SRR: variants seen among roughly 807,000 people sequenced by gnomAD.
SRR encodes the protein serine racemase.
SRR carries 19 observed loss-of-function variants against 32.7 expected under a neutral mutation model. That is an observed-to-expected ratio of 0.58 (90% CI 0.40 to 0.85). SRR has a LOEUF of 0.85. SRR is among the 40% of genes least tolerant of loss of function. The pLI is 0.00. For synonymous variants in SRR, 142 were observed against 140.9 expected (o/e 1.01, Z -0.06); for missense variants, 373 against 404.7 (o/e 0.92, Z 0.67).
At chr17:2,322,933 T>C in intron 6 of SRR, 3 of 547,356 alleles carry the variant, frequency 5.5e-6, no homozygotes, top group Middle Eastern at 5.1e-4. Flanking sequence ...CCTGGCTGAT[T>C]TTCCTATTTT....
At chr17:2,317,431 GA>G (rs1187003142) in intron 2 of SRR, among the ~76,000 whole-genome samples, 1 of 151,818 alleles carries the variant, frequency 6.6e-6, no homozygotes, top group African/African-American at 2.4e-5. Context: ...AGAATGGCGT[GA>G]ACCCGGGAGG....
intron 1 of SRR, among the ~76,000 whole-genome samples, chr17:2,306,313 CA>C (rs901903858): frequency 0.021 from 2,909 of 140,886 alleles, 106 homozygotes; most frequent in African/African-American, 0.071. Flanking sequence ...GAGACTCCGT[CA>C]AAAAAAAAAA....
At chr17:2,305,252 A>G (rs976349611) in intron 1 of SRR, among the ~76,000 whole-genome samples, 1 of 152,228 alleles carries the variant, frequency 6.6e-6, no homozygotes, top group Admixed American at 6.5e-5. Flanking sequence ...AATCTGTTTC[A>G]TATTGAAATT....
At chr17:2,323,447 G>T (rs1597271867) in intron 7 of SRR, 102 bp downstream of exon 7, 1 of 1,379,132 alleles carries the variant, frequency 7.3e-7, no homozygotes, top group Non-Finnish European at 1.0e-6. Flanking sequence ...AACCTGACTA[G>T]GTAACTTCAT....
intron 1 of SRR, among the ~76,000 whole-genome samples, chr17:2,308,193 G>T (rs2075407240): frequency 6.6e-6 from 1 of 152,006 alleles, no homozygotes; most frequent in African/African-American, 2.4e-5. Flanking sequence ...GCACTTCTCA[G>T]AGGAAAAATC....
At chr17:2,305,015 C>G (rs1318371477) in intron 1 of SRR, among the ~76,000 whole-genome samples, 2 of 152,126 alleles carry the variant, frequency 1.3e-5, no homozygotes, top group African/African-American at 4.8e-5. Context: ...GAATAGTTAC[C>G]AATTATTCCT....
chr17:2,313,746 A>AC (rs1379296857), intron 1 of SRR, among the ~76,000 whole-genome samples: 4 of 151,010 alleles, frequency 2.6e-5, no homozygotes, highest in Admixed American at 1.3e-4. Context: ...AAAAACAACA[A>AC]AAAAAAAATG....
At chr17:2,320,125 G>A (rs2075513606) in intron 4 of SRR, among the ~76,000 whole-genome samples, 1 of 151,056 alleles carries the variant, frequency 6.6e-6, no homozygotes, top group Non-Finnish European at 1.5e-5. Context: ...GCCAGAACTT[G>A]TCTCTTTTCA....
At position 2,323,917 on chromosome 17, in the gene SRR, T is replaced by A; in HGVS notation, c.*44T>A. On this transcript the variant is annotated 3_prime_UTR_variant, in exon 8 of 8. Coordinates refer to ENST00000344595, the MANE Select transcript of SRR (RefSeq NM_021947.3). ...GTGGGAATTCAGTGTCTTTAGATAC[T>A]GAAGACATTTTGTTTCCTAGTATTG... 6.5e-7 allele frequency: 1 copy of A among 1,544,554 alleles called. No homozygotes were observed. Among genetic ancestry groups the A allele is most frequent in the Non-Finnish European group, 8.9e-7 (1 of 1,122,642 alleles).
rs900703030 is a variant in SRR at position 2,325,249 on chromosome 17, G to A, written c.*1376G>A. 1.7e-5 allele frequency: 21 copies of A among 1,260,430 alleles called. No individual in the cohort carries two copies. The highest frequency in any genetic ancestry group is 2.1e-5 in the Non-Finnish European group (19 of 894,146). The allele number at this position is 1,260,430 out of a possible 1,614,324, so 78.1% of individuals were successfully genotyped here. A position where few individuals can be genotyped will look rare whatever the true frequency, so the allele number is the denominator to read the frequency against. ...CAAATTTAAATAAACAAGAGAAAAC[G>A]GTGTTCATCTATTAAGGACCTGCAG... On this transcript the variant is annotated 3_prime_UTR_variant, in exon 8 of 8. Transcript: ENST00000344595.
chr17:2,303,918 G>T (rs2075350840), upstream of SRR: 1 of 390,580 alleles, frequency 2.6e-6, no homozygotes, highest in East Asian at 5.5e-5. Context: ...GGACCGGAGC[G>T]AGAGCCTGGG....
chr17:2,324,491 C>T lies in SRR; in HGVS notation c.*618C>T, dbSNP rs2075562023. On this transcript the variant is annotated 3_prime_UTR_variant, in exon 8 of 8. Coordinates refer to ENST00000344595, the MANE Select transcript of SRR (RefSeq NM_021947.3). ...GAAATGCAGACATGGTCTCAAATCC[C>T]GTGTTTCCTTACCTAAAGGTTCCTT... 7.4e-6 allele frequency: 12 copies of T among 1,614,182 alleles called. No individual in the cohort carries two copies. The highest frequency in any genetic ancestry group is 9.3e-6 in the Non-Finnish European group (11 of 1,180,020).
chr17:2,307,106 C>A, intron 1 of SRR: 1 of 1,121,098 alleles, frequency 8.9e-7, no homozygotes, highest in Non-Finnish European at 1.3e-6. Flanking sequence ...AACGAAGACA[C>A]TGAAGAATAT....
chr17:2,323,822 T>G lies in SRR; in HGVS notation c.972T>G (p.Thr324=), dbSNP rs767563893. The G allele has an allele frequency of 3.7e-6, 6 of 1,614,176 alleles. No homozygotes were observed. The highest frequency in any genetic ancestry group is 5.1e-6 in the Non-Finnish European group (6 of 1,180,036). ...ATGTAGACTTAACCTCCTCCATAACTTGGGTGAAGCAGGCTGAAAGGCCAG... is the reference window on the plus strand; with the variant it reads ...ATGTAGACTTAACCTCCTCCATAACGTGGGTGAAGCAGGCTGAAAGGCCAG... ...GGNVDLTSSI[T]WVKQAERPAS... is the part of the protein sequence containing the mutation. The change falls in exon 8 of 8, where the codon ACT becomes ACG. Residue 324 remains threonine, a synonymous_variant. Coordinates refer to ENST00000344595, the MANE Select transcript of SRR (RefSeq NM_021947.3).
intron 2 of SRR, 24 bp from the exon 3 acceptor site, chr17:2,317,846 G>GAAC: frequency 6.2e-7 from 1 of 1,603,746 alleles, no homozygotes; most frequent in East Asian, 2.2e-5. Context: ...TCAAATATGT[G>GAAC]AATTCACCAT....
chr17:2,304,720 A>C (rs889796668), intron 1 of SRR, among the ~76,000 whole-genome samples: 1 of 150,776 alleles, frequency 6.6e-6, no homozygotes, highest in Non-Finnish European at 1.5e-5. Context: ...GCGCCACTGC[A>C]CTCCAGCCCG....
rs746466959 is a variant in SRR at position 2,323,726 on chromosome 17, T to A, written c.876T>A (p.Ala292=). 2 of 1,613,904 alleles carry A rather than the reference T, an allele frequency of 1.2e-6. No homozygotes were observed. The highest frequency in any genetic ancestry group is 8.5e-7 in the Non-Finnish European group (1 of 1,179,948). ...CTACAGCTGGTGTTGGAGTGGCTGCTGTGCTGTCTCAACATTTTCAAACTG... is the reference window on the plus strand; with the variant it reads ...CTACAGCTGGTGTTGGAGTGGCTGCAGTGCTGTCTCAACATTTTCAAACTG... ...IEPTAGVGVA[A]VLSQHFQTVS... The change falls in exon 8 of 8, where the codon GCT becomes GCA. Residue 292 remains alanine, a synonymous_variant. Transcript: ENST00000344595.
chr17:2,312,853 A>C (rs1373390623), intron 1 of SRR, among the ~76,000 whole-genome samples: 1 of 152,220 alleles, frequency 6.6e-6, no homozygotes, highest in Non-Finnish European at 1.5e-5. Flanking sequence ...AAGGCTATTC[A>C]TTACATCATT....
rs2075554723 is a variant in SRR at position 2,323,721 on chromosome 17, G to A, written c.871G>A (p.Ala291Thr). ...LIEPTAGVGVAAVLSQHFQTV... is the reference protein window; with the variant it reads ...LIEPTAGVGVTAVLSQHFQTV... ...TGAACCTACAGCTGGTGTTGGAGTGGCTGCTGTGCTGTCTCAACATTTTCA... is the reference window on the plus strand; with the variant it reads ...TGAACCTACAGCTGGTGTTGGAGTGACTGCTGTGCTGTCTCAACATTTTCA... Residue 291 changes from alanine to threonine, a missense_variant, in exon 8 of 8, where the codon GCT (alanine) becomes ACT (threonine). Physicochemically the swap from Ala to Thr is moderately conservative, Grantham distance 58 (BLOSUM62 0). Coordinates refer to ENST00000344595, the MANE Select transcript of SRR (RefSeq NM_021947.3). 1 of 1,613,952 alleles carries A rather than the reference G, an allele frequency of 6.2e-7. No individual in the cohort carries two copies. Among genetic ancestry groups the A allele is most frequent in the African/African-American group, 1.3e-5 (1 of 74,930 alleles).
Sources: allele counts gnomAD v4.1 joint callset (sites outside exome capture counted in the v4.1 genomes callset), GRCh38; gene constraint gnomAD v4.1.1; transcripts MANE v1.5; gene names NCBI Gene and HGNC (gene_info 2026-07-23, HGNC 2026-07-21).